Variants in FGF14 observed in about 807,000 individuals in gnomAD.
FGF14 encodes fibroblast growth factor 14, also known as fibroblast growth factor homologous factor 4.
FGF14 carries 5 observed loss-of-function variants against 25.5 expected under a neutral mutation model. That is an observed-to-expected ratio of 0.20 (90% CI 0.10 to 0.41). The LOEUF is 0.41. FGF14 is among the 10% of genes least tolerant of loss of function. The probability of loss-of-function intolerance (pLI) is 1.00; values close to 1 mark genes in which losing one functional copy is unlikely to be tolerated. For missense variants in FGF14, 222 were observed against 320.1 expected, an observed-to-expected ratio of 0.69 and a Z score of 2.34; for synonymous variants, 138 against 118.3, an observed-to-expected ratio of 1.17 and a Z score of -1.08.
chr13:102,227,547 T>C (rs2050882020), intron 1 of FGF14, among the ~76,000 whole-genome samples: 1 of 152,136 alleles, frequency 6.6e-6, no homozygotes, highest in East Asian at 1.9e-4. Flanking sequence ...GGTATTCATG[T>C]TTCGCAAACA....
chr13:102,127,502 T>A (rs1388298977), intron 1 of FGF14, among the ~76,000 whole-genome samples: 1 of 152,174 alleles, frequency 6.6e-6, no homozygotes, highest in Non-Finnish European at 1.5e-5. Context: ...TCTTATTCTG[T>A]AAGAGTTATC....
chr13:102,206,112 C>T (rs1009473214), intron 1 of FGF14, among the ~76,000 whole-genome samples: 6 of 134,972 alleles, frequency 4.4e-5, no homozygotes, highest in African/African-American at 1.7e-4. Context: ...AACTAATTCA[C>T]ACTAGTCAAC....
intron 3 of FGF14, among the ~76,000 whole-genome samples, chr13:101,853,836 T>C (rs1395236255): frequency 6.6e-6 from 1 of 152,078 alleles, no homozygotes; most frequent in Non-Finnish European, 1.5e-5. Flanking sequence ...TACAGACTGA[T>C]ACTCAAGTAT....
chr13:101,783,823 A>G (rs2039654904), intron 3 of FGF14, among the ~76,000 whole-genome samples: 3 of 152,142 alleles, frequency 2.0e-5, no homozygotes, highest in African/African-American at 7.2e-5. Flanking sequence ...TTTACATTTA[A>G]GTCCTTAATC....
At chr13:102,140,552 G>A (rs781329298) in intron 1 of FGF14, among the ~76,000 whole-genome samples, 1 of 152,142 alleles carries the variant, frequency 6.6e-6, no homozygotes, top group Non-Finnish European at 1.5e-5. Flanking sequence ...AGTCCAGTGT[G>A]CATGTGATTT....
intron 1 of FGF14, among the ~76,000 whole-genome samples, chr13:102,268,539 C>G (rs550573035): frequency 7.9e-5 from 12 of 151,892 alleles, no homozygotes; most frequent in African/African-American, 2.7e-4. Flanking sequence ...ATAATATATG[C>G]AAATACATGT....
At chr13:102,161,658 G>C (rs1333584740) in intron 1 of FGF14, among the ~76,000 whole-genome samples, 9 of 20,512 alleles carry the variant, frequency 4.4e-4, no homozygotes, top group African/African-American at 1.5e-3. Context: ...AGAAGAAGAA[G>C]AAGAAGAAGA....
chr13:101,894,413 A>T (rs1406416235), intron 1 of FGF14, among the ~76,000 whole-genome samples: 1 of 152,080 alleles, frequency 6.6e-6, no homozygotes, highest in African/African-American at 2.4e-5. Context: ...GCATCTCAGG[A>T]ATTATCTATT....
At chr13:102,245,680 A>C (rs1249674599) in intron 1 of FGF14, among the ~76,000 whole-genome samples, 1 of 152,050 alleles carries the variant, frequency 6.6e-6, no homozygotes, top group Non-Finnish European at 1.5e-5. Flanking sequence ...AACACACACT[A>C]TCCTCTGGAC....
At chr13:102,250,652 C>T (rs1220224152) in intron 1 of FGF14, among the ~76,000 whole-genome samples, 1 of 152,142 alleles carries the variant, frequency 6.6e-6, no homozygotes, top group East Asian at 1.9e-4. Context: ...GAAGCCTGTT[C>T]ACTTTGTTAA....
chr13:101,987,258 A>G (rs1487177846), intron 1 of FGF14, among the ~76,000 whole-genome samples: 5 of 152,074 alleles, frequency 3.3e-5, no homozygotes, highest in Admixed American at 6.6e-5. Context: ...TATGACAGCT[A>G]CTGCGCCCTG....
At chr13:101,978,750 T>C (rs1406655019) in intron 1 of FGF14, among the ~76,000 whole-genome samples, 1 of 152,192 alleles carries the variant, frequency 6.6e-6, no homozygotes, top group African/African-American at 2.4e-5. Flanking sequence ...ATGAATGAAT[T>C]ACCTCTTATC....
At chr13:102,168,892 T>A (rs1173230608) in intron 1 of FGF14, among the ~76,000 whole-genome samples, 1 of 151,996 alleles carries the variant, frequency 6.6e-6, no homozygotes, top group African/African-American at 2.4e-5. Flanking sequence ...ATAGGGAGCA[T>A]TGTAAAATAC....
In FGF14 at chr13:101,711,762, G is replaced by A. The variant is rs555396225; in HGVS notation, c.*11069C>T. On this transcript the variant is annotated 3_prime_UTR_variant, in exon 5 of 5. Coordinates refer to ENST00000376143, the MANE Select transcript of FGF14 (RefSeq NM_004115.4). ...ATGAGAAAATGTGGCTGATTCCCCAGGGATGGAAGCCAGCAAAAATGCACA... is the reference window on the plus strand; with the variant it reads ...ATGAGAAAATGTGGCTGATTCCCCAAGGATGGAAGCCAGCAAAAATGCACA... 3.9e-5 allele frequency: 6 copies of A among 152,190 alleles called. No individual in the cohort carries two copies. Among genetic ancestry groups the A allele is most frequent in the Non-Finnish European group, 7.3e-5 (5 of 68,070 alleles). The allele number at this position is 152,190 out of a possible 1,614,324, so 9.4% of individuals were successfully genotyped here. A position where few individuals can be genotyped will look rare whatever the true frequency, so the allele number is the denominator to read the frequency against.
At chr13:101,788,151 C>A (rs757146647) in intron 3 of FGF14, among the ~76,000 whole-genome samples, 2 of 152,130 alleles carry the variant, frequency 1.3e-5, no homozygotes, top group Non-Finnish European at 2.9e-5. Flanking sequence ...GGATGACAGG[C>A]GTGAGCCACC....
At chr13:102,124,703 T>C (rs1450200811) in intron 1 of FGF14, among the ~76,000 whole-genome samples, 1 of 152,106 alleles carries the variant, frequency 6.6e-6, no homozygotes, top group Non-Finnish European at 1.5e-5. Context: ...TTGCTTTTAA[T>C]GATCTGAGGC....
rs34397704 is a variant in FGF14, at chr13:101,722,882, C to T, written c.693G>A (p.Ala231=). Reference sequence around the variant, plus strand: ...GTTTGCCTCCATTCATTATTGCAGACGCACTTGTGCTTTTACTTGGCGTCA... The same window carrying T: ...GTTTGCCTCCATTCATTATTGCAGATGCACTTGTGCTTTTACTTGGCGTCA... ...PGVTPSKSTS[A]SAIMNGGKPV... The change falls in exon 5 of 5, where the codon GCG becomes GCA. Residue 231 remains alanine, a synonymous_variant. Coordinates refer to ENST00000376143, the MANE Select transcript of FGF14 (RefSeq NM_004115.4). 26,727 of 1,613,304 alleles carry T rather than the reference C, an allele frequency of 0.017. 308 individuals are homozygous for T. Among genetic ancestry groups the T allele is most frequent in the Non-Finnish European group, 0.021 (24,337 of 1,179,552 alleles).
intron 1 of FGF14, among the ~76,000 whole-genome samples, chr13:102,224,107 A>G (rs2050732001): frequency 6.6e-6 from 1 of 152,148 alleles, no homozygotes; most frequent in Non-Finnish European, 1.5e-5. Context: ...GTTGTGAAAA[A>G]GTAGAAAGAT....
chr13:101,912,926 C>T (rs2033098160), intron 1 of FGF14, among the ~76,000 whole-genome samples: 2 of 152,148 alleles, frequency 1.3e-5, no homozygotes, highest in Non-Finnish European at 2.9e-5. Context: ...ATTTGAGAGC[C>T]TATGAAGATG....
Sources: gnomAD v4.1 joint callset for allele counts (sites outside exome capture counted in the v4.1 genomes callset) on GRCh38, gnomAD v4.1.1 for gene constraint, MANE v1.5 for transcripts, NCBI Gene and HGNC (gene_info 2026-07-23, HGNC 2026-07-21) for gene names.